Variants in CLSTN2 observed in about 807,000 individuals in gnomAD.
The protein encoded by CLSTN2 is calsyntenin-2.
CLSTN2 carries 48 observed loss-of-function variants against 101.2 expected under a neutral mutation model. The ratio of observed to expected loss-of-function variants is 0.47; its 90% CI spans 0.38 to 0.60. The LOEUF is 0.60. CLSTN2 is among the 20% of genes least tolerant of loss of function. The probability of loss-of-function intolerance (pLI) is 0.00; values close to 1 mark genes in which losing one functional copy is unlikely to be tolerated. For synonymous variants in CLSTN2, 481 were observed against 463.6 expected (o/e 1.04, Z -0.48); for missense variants, 1,160 against 1,238.2 (o/e 0.94, Z 0.95).
chr3:140,532,333 A>G lies in CLSTN2; in HGVS notation c.1354A>G (p.Lys452Glu). The G allele has an allele frequency of 1.3e-6, 2 of 1,591,512 alleles. No individual in the cohort carries two copies. Among genetic ancestry groups the G allele is most frequent in the Non-Finnish European group, 8.6e-7 (1 of 1,168,200 alleles). Residue 452 changes from lysine (K) to glutamate (E), a missense_variant, in exon 9 of 17, where the codon AAA becomes GAA. Physicochemically the swap from Lys to Glu is moderately conservative, Grantham distance 56. Coordinates refer to ENST00000458420, the MANE Select transcript of CLSTN2 (RefSeq NM_022131.3). ...TCTTTCCTTTTCTTAGATTTGTGAC[A>G]AAGAGTGGCACTACTATGTCATCAA... ...FHWKLDQICDKEWHYYVINVE... is the reference protein window; with the variant it reads ...FHWKLDQICDEEWHYYVINVE...
At chr3:140,240,031 C>T (rs2086446766) in intron 2 of CLSTN2, among the ~76,000 whole-genome samples, 2 of 149,362 alleles carry the variant, frequency 1.3e-5, no homozygotes, top group Admixed American at 6.8e-5. Context: ...TTCTACCTTT[C>T]CTGAGCACAG....
chr3:140,013,655 T>C (rs2007135917), intron 1 of CLSTN2, among the ~76,000 whole-genome samples: 1 of 151,902 alleles, frequency 6.6e-6, no homozygotes, highest in South Asian at 2.1e-4. Context: ...GAAAATCAAA[T>C]TGCAAAACCC....
At chr3:140,345,200 G>A (rs573379050) in intron 2 of CLSTN2, among the ~76,000 whole-genome samples, 1 of 151,778 alleles carries the variant, frequency 6.6e-6, no homozygotes, top group Admixed American at 6.6e-5. Context: ...AAGTAGTTTT[G>A]GGGGATCCAA....
intron 2 of CLSTN2, among the ~76,000 whole-genome samples, chr3:140,368,084 T>C (rs1576535400): frequency 6.6e-6 from 1 of 152,308 alleles, no homozygotes; most frequent in South Asian, 2.1e-4. Flanking sequence ...GCATCTTTAC[T>C]GAGCACCTAA....
chr3:140,074,152 C>T (rs2008443995), intron 1 of CLSTN2, among the ~76,000 whole-genome samples: 2 of 152,076 alleles, frequency 1.3e-5, no homozygotes, highest in African/African-American at 2.4e-5. Flanking sequence ...TTCCCACCTG[C>T]CATTTGACCT....
At chr3:140,486,938 T>G (rs1342763789) in intron 8 of CLSTN2, among the ~76,000 whole-genome samples, 1 of 152,098 alleles carries the variant, frequency 6.6e-6, no homozygotes, top group Non-Finnish European at 1.5e-5. Context: ...CACCAACAGA[T>G]GTAAGTTTAA....
At chr3:140,079,750 C>CAAAAAAAAAA (rs548470137) in intron 1 of CLSTN2, among the ~76,000 whole-genome samples, 1 of 106,418 alleles carries the variant, frequency 9.4e-6, no homozygotes, top group African/African-American at 3.6e-5. Flanking sequence ...GACTATGTCT[C>CAAAAAAAAAA]AAAAAAAAAA....
At chr3:140,133,674 GTGT>G (rs1458017265) in intron 1 of CLSTN2, among the ~76,000 whole-genome samples, 1 of 152,196 alleles carries the variant, frequency 6.6e-6, no homozygotes, top group Non-Finnish European at 1.5e-5. Flanking sequence ...TTCACAGGTA[GTGT>G]TGTTGGGAGG....
chr3:140,342,574 CT>C (rs995712553), intron 2 of CLSTN2, among the ~76,000 whole-genome samples: 38 of 152,272 alleles, frequency 2.5e-4, no homozygotes, highest in African/African-American at 7.5e-4. Context: ...TTCCAGTTAT[CT>C]ATTGCCATGT....
intron 7 of CLSTN2, among the ~76,000 whole-genome samples, chr3:140,463,668 G>A (rs936614117): frequency 6.6e-6 from 1 of 152,158 alleles, no homozygotes; most frequent in East Asian, 1.9e-4. Context: ...TCTTGCCCAG[G>A]GTGTCTGAAT....
In CLSTN2 at chr3:139,942,370, G is replaced by C. The variant is rs145769188; in HGVS notation, c.109+6887G>C. On this transcript the variant is annotated intron_variant, in intron 1 of 16. Coordinates refer to ENST00000458420, the MANE Select transcript of CLSTN2 (RefSeq NM_022131.3). ...CACTGTATAGTCCCAGATGTGTTTGGAGGGGTCTCCTGCACCAGAAAGACT... is the reference window on the plus strand; with the variant it reads ...CACTGTATAGTCCCAGATGTGTTTGCAGGGGTCTCCTGCACCAGAAAGACT... Among the ~76,000 whole-genome samples, 69 of 152,214 alleles carry C rather than the reference G, an allele frequency of 4.5e-4. No individual in the cohort carries two copies. The East Asian group carries it at 0.013, about 28-fold the overall frequency.
At chr3:140,408,456 C>T (rs1254219468) in intron 4 of CLSTN2, among the ~76,000 whole-genome samples, 2 of 152,158 alleles carry the variant, frequency 1.3e-5, no homozygotes. Context: ...CTGTCTTCTA[C>T]CCTCAGGATC....
chr3:140,113,351 T>A (rs975442670), intron 1 of CLSTN2, among the ~76,000 whole-genome samples: 57 of 152,210 alleles, frequency 3.7e-4, no homozygotes, highest in Admixed American at 3.3e-3. Flanking sequence ...GCAGACTGTG[T>A]GCAGACCCCA....
At chr3:140,261,289 A>G (rs914549897) in intron 2 of CLSTN2, among the ~76,000 whole-genome samples, 2 of 151,914 alleles carry the variant, frequency 1.3e-5, no homozygotes, top group African/African-American at 4.8e-5. Context: ...TGATTCATGG[A>G]TATTTATTTA....
chr3:140,463,277 C>G (rs1933607205), intron 7 of CLSTN2, among the ~76,000 whole-genome samples: 2 of 152,212 alleles, frequency 1.3e-5, no homozygotes, highest in Admixed American at 6.5e-5. Flanking sequence ...GAACTGAGAA[C>G]AATGAATGAT....
chr3:140,296,916 C>T (rs1302681454), intron 2 of CLSTN2, among the ~76,000 whole-genome samples: 1 of 152,222 alleles, frequency 6.6e-6, no homozygotes, highest in Non-Finnish European at 1.5e-5. Flanking sequence ...GCTAAGCCAG[C>T]AGGAGTGGTC....
At chr3:139,961,581 A>C (rs1423373125) in intron 1 of CLSTN2, among the ~76,000 whole-genome samples, 3 of 152,218 alleles carry the variant, frequency 2.0e-5, no homozygotes, top group Admixed American at 6.5e-5. Context: ...ATGGGTTCAC[A>C]TTATAGGGTG....
At chr3:140,179,620 C>CAAAAAAAAA (rs57433306) in intron 2 of CLSTN2, among the ~76,000 whole-genome samples, 2 of 37,464 alleles carry the variant, frequency 5.3e-5, no homozygotes, top group African/African-American at 7.9e-5. Context: ...GACCCTATCT[C>CAAAAAAAAA]AAAAAAAAAA....
intron 1 of CLSTN2, among the ~76,000 whole-genome samples, chr3:140,059,144 C>G (rs2008153163): frequency 6.6e-6 from 1 of 152,252 alleles, no homozygotes; most frequent in East Asian, 1.9e-4. Context: ...TGTACCTAAC[C>G]TCACTGTGCC....
Sources: gnomAD v4.1 joint callset for allele counts (sites outside exome capture counted in the v4.1 genomes callset) on GRCh38, gnomAD v4.1.1 for gene constraint, MANE v1.5 for transcripts, NCBI Gene and HGNC (gene_info 2026-07-23, HGNC 2026-07-21) for gene names.